ANKFY1: variants seen among roughly 807,000 people sequenced by gnomAD.
ANKFY1 encodes ankyrin repeat and FYVE domain-containing protein 1.
ANKFY1 carries 47 observed loss-of-function variants against 128.3 expected under a neutral mutation model. The observed-to-expected ratio is 0.37, with a 90% confidence interval of 0.29 to 0.47. ANKFY1 has a LOEUF of 0.47. ANKFY1 is among the 20% of genes least tolerant of loss of function. The pLI is 1.00. For synonymous variants in ANKFY1, 553 were observed against 601.6 expected (o/e 0.92, Z 1.18); for missense variants, 1,222 against 1,510.6 (o/e 0.81, Z 3.17).
Position 4,166,229 on chromosome 17 carries a change from G to A in ANKFY1, c.*1550C>T, listed in dbSNP as rs374150951. The A allele has an allele frequency of 2.0e-5, 3 of 152,012 alleles. No individual in the cohort carries two copies. Among genetic ancestry groups the A allele is most frequent in the Admixed American group, 6.6e-5 (1 of 15,246 alleles). The allele number at this position is 152,012 out of a possible 1,614,324, so 9.4% of individuals were successfully genotyped here. A position where few individuals can be genotyped will look rare whatever the true frequency, so the allele number is the denominator to read the frequency against. ...AGGCAACAGAATGTATAAATCTACC[G>A]CAATACAGAGGACACACTATCCAGA... is the stretch of plus-strand genomic sequence containing the variant. On this transcript the variant is annotated 3_prime_UTR_variant, in exon 25 of 25. Coordinates refer to ENST00000341657, the MANE Select transcript of ANKFY1 (RefSeq NM_001330063.2).
chr17:4,179,106 A>G (rs1453243190), intron 17 of ANKFY1, 49 bp from the exon 18 acceptor site: 1 of 1,579,210 alleles, frequency 6.3e-7, no homozygotes, highest in African/African-American at 1.3e-5. Context: ...GATAAAACTC[A>G]GGAAAAATAT....
At chr17:4,177,047 C>T in intron 19 of ANKFY1, 79 bp downstream of exon 19, 1 of 1,383,504 alleles carries the variant, frequency 7.2e-7, no homozygotes, top group Non-Finnish European at 9.6e-7. Flanking sequence ...GGGCAAAGCA[C>T]CTGTGATGAG....
At position 4,242,243 on chromosome 17, in the gene ANKFY1, G is replaced by C. The variant is rs1455717566; in HGVS notation, c.203+13C>G. The C allele has an allele frequency of 1.3e-6, 2 of 1,512,206 alleles. No homozygotes were observed. Among genetic ancestry groups the C allele is most frequent in the Non-Finnish European group, 8.8e-7 (1 of 1,136,110 alleles). 93.7% of individuals were successfully genotyped at this position (1,512,206 alleles called of 1,614,324 possible). A position where few individuals can be genotyped will look rare whatever the true frequency, so the allele number is the denominator to read the frequency against. On this transcript the variant is annotated intron_variant, in intron 2 of 24. Transcript: ENST00000341657. ...AAAGCCAAAGGGCCTTCTGTGTCTAGGAGCTCTCCCACCTGTACTGCTCCT... is the reference window on the plus strand; with the variant it reads ...AAAGCCAAAGGGCCTTCTGTGTCTACGAGCTCTCCCACCTGTACTGCTCCT...
At chr17:4,219,961 T>C (rs2060282020) in intron 3 of ANKFY1, among the ~76,000 whole-genome samples, 1 of 152,086 alleles carries the variant, frequency 6.6e-6, no homozygotes, top group Non-Finnish European at 1.5e-5. Flanking sequence ...TAGCTGGGAT[T>C]ACATGTGCCT....
intron 1 of ANKFY1, among the ~76,000 whole-genome samples, chr17:4,256,033 G>T (rs1968099467): frequency 6.6e-6 from 1 of 151,850 alleles, no homozygotes; most frequent in Admixed American, 6.6e-5. Context: ...GCTCAGGCTA[G>T]TCTCAAACTC....
At chr17:4,256,569 T>A (rs1289170421) in intron 1 of ANKFY1, among the ~76,000 whole-genome samples, 1 of 152,030 alleles carries the variant, frequency 6.6e-6, no homozygotes, top group Non-Finnish European at 1.5e-5. Context: ...CTGATGCAGA[T>A]CTTGGGGGGA....
At chr17:4,222,770 G>A in intron 3 of ANKFY1, 3 of 996,704 alleles carry the variant, frequency 3.0e-6, no homozygotes, top group Non-Finnish European at 3.2e-6. Context: ...TAGCTGTTTT[G>A]CACCTTCATA....
chr17:4,175,419 T>C (rs1201824542), intron 19 of ANKFY1, among the ~76,000 whole-genome samples: 2 of 152,086 alleles, frequency 1.3e-5, no homozygotes, highest in East Asian at 3.9e-4. Flanking sequence ...CTTTACATAA[T>C]ACCTATTCGT....
At chr17:4,211,413 A>T (rs2060128558) in intron 4 of ANKFY1, among the ~76,000 whole-genome samples, 1 of 150,200 alleles carries the variant, frequency 6.7e-6, no homozygotes, top group African/African-American at 2.4e-5. Flanking sequence ...AAAAAAAATT[A>T]GAAAAAATAG....
intron 2 of ANKFY1, among the ~76,000 whole-genome samples, chr17:4,241,763 T>C (rs570003971): frequency 8.4e-4 from 128 of 152,166 alleles, no homozygotes; most frequent in African/African-American, 2.9e-3. Flanking sequence ...TCCCGCACTC[T>C]TTGCTGAAGA....
At chr17:4,222,004 A>C (rs1174463648) in intron 3 of ANKFY1, 1 of 152,134 alleles carries the variant, frequency 6.6e-6, no homozygotes, top group Non-Finnish European at 1.5e-5. Flanking sequence ...CGCGCTCTGG[A>C]GGTCTGAAGC....
intron 24 of ANKFY1, among the ~76,000 whole-genome samples, chr17:4,168,422 A>G (rs1211995026): frequency 1.3e-5 from 2 of 152,214 alleles, no homozygotes; most frequent in Non-Finnish European, 2.9e-5. Flanking sequence ...CACTGTACTC[A>G]GCCTGGGTAA....
In ANKFY1 at chr17:4,195,452, T is replaced by A. The variant is rs199871848; in HGVS notation, c.1123A>T (p.Ile375Phe). The A allele has an allele frequency of 6.2e-7, 1 of 1,614,112 alleles. No individual in the cohort carries two copies. Among genetic ancestry groups the A allele is most frequent in the Non-Finnish European group, 8.5e-7 (1 of 1,180,014 alleles). ...SKGRTPLHVS[I>F]MAGNEYVFSQ... ...AACACATATTCATTCCCGGCCATGATGGACACATGTAAAGGAGTCCTGCGG... is the reference window on the plus strand; with the variant it reads ...AACACATATTCATTCCCGGCCATGAAGGACACATGTAAAGGAGTCCTGCGG... The change falls in exon 9 of 25, where the codon ATC becomes TTC. Residue 375 changes from isoleucine to phenylalanine, a missense_variant. Transcript: ENST00000341657.
chr17:4,195,356 T>TC (rs747830537), intron 9 of ANKFY1, 47 bp downstream of exon 9: 4 of 1,573,236 alleles, frequency 2.5e-6, no homozygotes, highest in East Asian at 4.5e-5. Context: ...TCACTCACAA[T>TC]CCCCCCTCAC....
chr17:4,263,850 C>G, intron 1 of ANKFY1, 82 bp downstream of exon 1: 1 of 1,612,470 alleles, frequency 6.2e-7, no homozygotes, highest in Non-Finnish European at 8.5e-7. Context: ...GCCCGGCCTT[C>G]CCCTCCCACG....
chr17:4,231,660 G>A (rs546371387), intron 3 of ANKFY1, among the ~76,000 whole-genome samples: 2 of 151,780 alleles, frequency 1.3e-5, no homozygotes. Flanking sequence ...TCATAATCAA[G>A]GCTGTGTGCA....
chr17:4,199,560 A>G (rs1380431850), intron 7 of ANKFY1, among the ~76,000 whole-genome samples: 1 of 152,230 alleles, frequency 6.6e-6, no homozygotes, highest in Non-Finnish European at 1.5e-5. Context: ...AGTGAAAAAA[A>G]CTACCTTGAC....
intron 1 of ANKFY1, among the ~76,000 whole-genome samples, chr17:4,251,249 T>C (rs1275350128): frequency 2.0e-5 from 3 of 152,002 alleles, no homozygotes; most frequent in East Asian, 1.9e-4. Flanking sequence ...CCACTACATA[T>C]AAAAACTAAC....
chr17:4,183,833 G>T lies in ANKFY1; in HGVS notation c.1777C>A (p.Leu593Met). 6.2e-7 allele frequency: 1 copy of T among 1,613,304 alleles called. No individual in the cohort carries two copies. The highest frequency in any genetic ancestry group is 1.3e-5 in the African/African-American group (1 of 75,046). ...SLKDSRDQTVLGLALWTGMHT... is the reference protein window; with the variant it reads ...SLKDSRDQTVMGLALWTGMHT... The stretch of plus-strand genomic sequence containing the variant: ...TTACCAGTCCATAATGCCAGGCCCA[G>T]CACAGTCTGGTCTCGGGAATCTTTG... The change falls in exon 13 of 25, where the codon CTG (leucine) becomes ATG (methionine). Residue 593 changes from leucine to methionine, a missense_variant. Transcript: ENST00000341657.
Sources: gnomAD v4.1 joint callset for allele counts (sites outside exome capture counted in the v4.1 genomes callset) on GRCh38, gnomAD v4.1.1 for gene constraint, MANE v1.5 for transcripts, NCBI Gene and HGNC (gene_info 2026-07-23, HGNC 2026-07-21) for gene names.